The following PALLD variants were observed in gnomAD, a reference collection of about 807,000 sequenced individuals.
PALLD encodes the protein palladin.
PALLD carries 61 observed loss-of-function variants against 123.5 expected under a neutral mutation model. That is an observed-to-expected ratio of 0.49 (90% CI 0.40 to 0.61). The LOEUF (loss-of-function observed/expected upper bound fraction) is 0.61. Among genes scored for constraint, PALLD ranks in the 20% least tolerant of loss-of-function variants. PALLD has a pLI of 0.00. For missense variants in PALLD, 1,273 were observed against 1,377.0 expected (o/e 0.92, Z 1.20); for synonymous variants, 465 against 496.4 (o/e 0.94, Z 0.84).
intron 2 of PALLD, among the ~76,000 whole-genome samples, chr4:168,629,886 C>G (rs1775650929): frequency 6.6e-6 from 1 of 152,162 alleles, no homozygotes; most frequent in South Asian, 2.1e-4. Context: ...AGTTTCATCC[C>G]CACAAGCAAG....
rs368135857 is a variant in PALLD at position 168,751,506 on chromosome 4, T to C, written c.1964+39583T>C. On this transcript the variant is annotated intron_variant, in intron 10 of 21. Coordinates refer to ENST00000505667, the MANE Select transcript of PALLD (RefSeq NM_001166108.2). ...AGCCCTGAGATCCATGCCTGACATC[T>C]CCAATTAATGGCTGTGTGACCTGGA... Among the ~76,000 whole-genome samples the C allele has an allele frequency of 3.3e-5, 5 of 152,292 alleles. No homozygotes were observed. In the East Asian group the frequency reaches 7.7e-4, roughly 24 times the overall value.
At chr4:168,593,265 C>A (rs934295231) in intron 2 of PALLD, among the ~76,000 whole-genome samples, 9 of 152,038 alleles carry the variant, frequency 5.9e-5, no homozygotes, top group Non-Finnish European at 1.3e-4. Flanking sequence ...TCCAACACAG[C>A]TAAAGTTTCT....
chr4:168,863,406 A>G (rs1363189371), intron 10 of PALLD, among the ~76,000 whole-genome samples: 1 of 152,202 alleles, frequency 6.6e-6, no homozygotes, highest in Non-Finnish European at 1.5e-5. Flanking sequence ...TGCAAGCAAG[A>G]TCCAAAGAGA....
At chr4:168,605,968 C>CT (rs923232472) in intron 2 of PALLD, among the ~76,000 whole-genome samples, 12 of 152,010 alleles carry the variant, frequency 7.9e-5, no homozygotes, top group African/African-American at 2.9e-4. Context: ...CTAGAAATCT[C>CT]TTTTTTTCAT....
chr4:168,635,181 C>G (rs1018882942), intron 2 of PALLD, among the ~76,000 whole-genome samples: 13 of 152,188 alleles, frequency 8.5e-5, no homozygotes, highest in Non-Finnish European at 5.9e-5. Context: ...GTATCCATGT[C>G]TCTTGTTGAC....
Position 168,786,090 on chromosome 4 carries a change from G to T in PALLD, c.1964+74167G>T, listed in dbSNP as rs2150576828. 2.0e-5 allele frequency among the ~76,000 whole-genome samples: 3 copies of T among 152,030 alleles called. 1 individual carries two copies. In the Middle Eastern group the frequency reaches 0.01, roughly 517 times the overall value. On this transcript the variant is annotated intron_variant, in intron 10 of 21. Coordinates refer to ENST00000505667, the MANE Select transcript of PALLD (RefSeq NM_001166108.2). Reference sequence around the variant, plus strand: ...CATGCCTGTAATCCCAACACTTTGAGAGGCCGAGGAGGGCGGATCATGTGG... The same window carrying T: ...CATGCCTGTAATCCCAACACTTTGATAGGCCGAGGAGGGCGGATCATGTGG...
intron 10 of PALLD, among the ~76,000 whole-genome samples, chr4:168,809,768 G>T (rs1009897412): frequency 5.3e-5 from 8 of 151,864 alleles, no homozygotes; most frequent in Admixed American, 4.6e-4. Flanking sequence ...GGAGACTGAG[G>T]CATGAGAACT....
At chr4:168,742,151 T>C (rs1381492077) in intron 10 of PALLD, among the ~76,000 whole-genome samples, 2 of 152,214 alleles carry the variant, frequency 1.3e-5, no homozygotes, top group Non-Finnish European at 2.9e-5. Flanking sequence ...TTTTTCTACT[T>C]AGAGGGCTTT....
intron 18 of PALLD, among the ~76,000 whole-genome samples, chr4:168,923,683 C>A (rs1320925240): frequency 6.6e-6 from 1 of 151,838 alleles, no homozygotes; most frequent in Non-Finnish European, 1.5e-5. Flanking sequence ...ATAGGATATA[C>A]ATTCCTAGTT....
chr4:168,658,215 G>C (rs1414992568), intron 2 of PALLD, among the ~76,000 whole-genome samples: 1 of 151,426 alleles, frequency 6.6e-6, no homozygotes, highest in Admixed American at 6.6e-5. Context: ...TGGCAGCACA[G>C]ATATTTAGTA....
intron 10 of PALLD, among the ~76,000 whole-genome samples, chr4:168,883,678 A>G (rs936833052): frequency 6.6e-6 from 1 of 152,202 alleles, no homozygotes; most frequent in Non-Finnish European, 1.5e-5. Context: ...ATGCTTGTGT[A>G]TATGTTTGAG....
intron 10 of PALLD, among the ~76,000 whole-genome samples, chr4:168,795,015 T>C (rs1481533191): frequency 1.3e-5 from 2 of 152,168 alleles, no homozygotes; most frequent in East Asian, 1.9e-4. Context: ...TCCTGCTTCA[T>C]AGAAGGCTGG....
intron 10 of PALLD, among the ~76,000 whole-genome samples, chr4:168,853,064 A>G (rs1389722716): frequency 6.6e-6 from 1 of 152,248 alleles, no homozygotes; most frequent in Non-Finnish European, 1.5e-5. Context: ...AGAAGAAACC[A>G]CATTGCAGTG....
chr4:168,788,705 G>A lies in PALLD; in HGVS notation c.1964+76782G>A, dbSNP rs553717760. Among the ~76,000 whole-genome samples, 5 of 152,286 alleles carry A rather than the reference G, an allele frequency of 3.3e-5. No individual in the cohort carries two copies. In the South Asian group the frequency reaches 1.0e-3, roughly 32 times the overall value. ...GTGAGAGATGTTGGTAATGGGGGAT[G>A]CTGGGCATGGGTAGGGACGGGGAAT... On this transcript the variant is annotated intron_variant, in intron 10 of 21. Coordinates refer to ENST00000505667, the MANE Select transcript of PALLD (RefSeq NM_001166108.2).
chr4:168,749,031 G>A (rs905850903), intron 10 of PALLD, among the ~76,000 whole-genome samples: 9 of 152,196 alleles, frequency 5.9e-5, no homozygotes, highest in African/African-American at 1.7e-4. Flanking sequence ...CAGTGTTGGA[G>A]GTGGGGCCTG....
In PALLD at chr4:168,601,236, C is replaced by T. The variant is rs908873493; in HGVS notation, c.909-66954C>T. Among the ~76,000 whole-genome samples the T allele has an allele frequency of 1.1e-4, 16 of 151,950 alleles. 1 individual carries two copies. The highest frequency in any genetic ancestry group is 3.6e-4 in the African/African-American group (15 of 41,326). ...CATAGAGGGAAAGAGGCATCTCTCA[C>T]ATCCCGGGAGACTGAATGCCTTGTT... On this transcript the variant is annotated intron_variant, in intron 2 of 21. Coordinates refer to ENST00000505667, the MANE Select transcript of PALLD (RefSeq NM_001166108.2).
chr4:168,900,475 A>G (rs1756264756), intron 14 of PALLD, among the ~76,000 whole-genome samples: 2 of 152,334 alleles, frequency 1.3e-5, no homozygotes, highest in South Asian at 4.1e-4. Flanking sequence ...GCATAGAGCA[A>G]TGTACTCAAT....
chr4:168,505,302 C>T (rs756040588), intron 1 of PALLD, among the ~76,000 whole-genome samples: 17 of 152,288 alleles, frequency 1.1e-4, no homozygotes, highest in Admixed American at 2.6e-4. Flanking sequence ...TGTCAGATGG[C>T]GCCTCTTTAA....
intron 10 of PALLD, among the ~76,000 whole-genome samples, chr4:168,766,087 A>G (rs932503842): frequency 6.6e-6 from 1 of 152,126 alleles, no homozygotes; most frequent in African/African-American, 2.4e-5. Flanking sequence ...AAGCAGGAAG[A>G]TTTTCTTCCC....
Sources: gnomAD v4.1 joint callset for allele counts (sites outside exome capture counted in the v4.1 genomes callset) on GRCh38, gnomAD v4.1.1 for gene constraint, MANE v1.5 for transcripts, NCBI Gene and HGNC (gene_info 2026-07-23, HGNC 2026-07-21) for gene names.